Variants in MAP3K7CL observed in about 807,000 individuals in gnomAD.
MAP3K7CL encodes the protein MAP3K7 C-terminal-like protein.
MAP3K7CL carries 16 observed loss-of-function variants against 18.6 expected under a neutral mutation model. That is an observed-to-expected ratio of 0.86 (90% CI 0.58 to 1.31). MAP3K7CL has a LOEUF of 1.31. Ranked by LOEUF, MAP3K7CL falls within the 50% of genes most tolerant of loss-of-function variation. MAP3K7CL has a pLI of 0.00. For synonymous variants in MAP3K7CL, 65 were observed against 66.8 expected (o/e 0.97, Z 0.13); for missense variants, 163 against 174.4 (o/e 0.93, Z 0.37).
intron 4 of MAP3K7CL, among the ~76,000 whole-genome samples, chr21:29,100,143 G>T (rs1165664462): frequency 1.3e-5 from 2 of 151,374 alleles, no homozygotes; most frequent in Non-Finnish European, 2.9e-5. Context: ...TCCTCTGAGC[G>T]GCAGCCCGAA....
At chr21:29,124,633 G>A (rs2086654152) in intron 4 of MAP3K7CL, among the ~76,000 whole-genome samples, 1 of 152,190 alleles carries the variant, frequency 6.6e-6, no homozygotes, top group Admixed American at 6.5e-5. Context: ...ATCAGGTAAA[G>A]TCTGTCCCAC....
chr21:29,124,931 A>T (rs2086657997), intron 4 of MAP3K7CL, among the ~76,000 whole-genome samples: 1 of 152,186 alleles, frequency 6.6e-6, no homozygotes, highest in Non-Finnish European at 1.5e-5. Flanking sequence ...GAAAAACCTA[A>T]AATATTTATC....
chr21:29,098,734 C>A (rs897644061), intron 4 of MAP3K7CL, among the ~76,000 whole-genome samples: 1 of 152,210 alleles, frequency 6.6e-6, no homozygotes, highest in Non-Finnish European at 1.5e-5. Context: ...ATGATTTAAA[C>A]AGCCAAGTCC....
chr21:29,089,320 C>A (rs1323547158), intron 1 of MAP3K7CL, among the ~76,000 whole-genome samples: 2 of 151,882 alleles, frequency 1.3e-5, no homozygotes, highest in Non-Finnish European at 2.9e-5. Flanking sequence ...TCTGAGAGCC[C>A]AAGATGGGCC....
chr21:29,132,790 A>G (rs1601212977), intron 1 of MAP3K7CL, among the ~76,000 whole-genome samples: 1 of 152,318 alleles, frequency 6.6e-6, no homozygotes, highest in African/African-American at 2.4e-5. Flanking sequence ...GGTTACAGGC[A>G]TGAGCCACCA....
At chr21:29,104,190 G>C (rs1470852241) in intron 4 of MAP3K7CL, among the ~76,000 whole-genome samples, 2 of 151,968 alleles carry the variant, frequency 1.3e-5, no homozygotes, top group Non-Finnish European at 2.9e-5. Context: ...CTGCTCAAAG[G>C]GTGGTCCTTG....
At chr21:29,140,311 G>A (rs1479826888) in intron 2 of MAP3K7CL, among the ~76,000 whole-genome samples, 1 of 152,224 alleles carries the variant, frequency 6.6e-6, no homozygotes, top group Admixed American at 6.5e-5. Flanking sequence ...TGGTTGGAAT[G>A]TATTACTTAA....
intron 1 of MAP3K7CL, among the ~76,000 whole-genome samples, chr21:29,090,345 G>A (rs2832167): frequency 0.27 from 41,276 of 151,888 alleles, 5,656 homozygotes; most frequent in South Asian, 0.29. Flanking sequence ...CGTAAAAGGC[G>A]TAGGGAATGC....
upstream of MAP3K7CL, among the ~76,000 whole-genome samples, chr21:29,082,367 T>C (rs1390067326): frequency 1.3e-5 from 2 of 152,206 alleles, no homozygotes. Context: ...CTAAATTTTT[T>C]GTATGCCTAG....
intron 1 of MAP3K7CL, among the ~76,000 whole-genome samples, chr21:29,132,357 A>G (rs926236944): frequency 3.3e-5 from 5 of 152,144 alleles, no homozygotes; most frequent in African/African-American, 9.7e-5. Context: ...TAGAATATCT[A>G]TAGGATGTTT....
At chr21:29,092,193 G>C (rs2086040414) in intron 3 of MAP3K7CL, 1 of 460,516 alleles carries the variant, frequency 2.2e-6, no homozygotes, top group African/African-American at 1.9e-5. Context: ...AAAAATCTGA[G>C]GCAGAGCGAG....
At chr21:29,153,505 T>A (rs1568965189) in intron 3 of MAP3K7CL, among the ~76,000 whole-genome samples, 1 of 152,178 alleles carries the variant, frequency 6.6e-6, no homozygotes, top group Non-Finnish European at 1.5e-5. Context: ...CAGAGTGCAG[T>A]GGCATGATCA....
In MAP3K7CL at chr21:29,170,942, T is replaced by C. The variant is rs1231560871; in HGVS notation, c.249-3770T>C. On this transcript the variant is annotated intron_variant, in intron 4 of 4. Coordinates refer to ENST00000399928, the MANE Select transcript of MAP3K7CL (RefSeq NM_001286620.2). ...GTGTGAGCCTCTGTGCCTGCCTCTT[T>C]TTTTTTTTTTTTTAATTTATATAGG... is the stretch of plus-strand genomic sequence containing the variant. 1.5e-4 allele frequency among the ~76,000 whole-genome samples: 4 copies of C among 26,158 alleles called. No homozygotes were observed. The African/African-American group carries it at 4.8e-3, about 31-fold the overall frequency. 17.2% of individuals were successfully genotyped at this position (26,158 alleles called of 152,430 possible). A position where few individuals can be genotyped will look rare whatever the true frequency, so the allele number is the denominator to read the frequency against.
chr21:29,163,161 C>T (rs2087596182), intron 4 of MAP3K7CL, among the ~76,000 whole-genome samples: 1 of 152,030 alleles, frequency 6.6e-6, no homozygotes, highest in Admixed American at 6.6e-5. Context: ...CTAGAAGTAA[C>T]ATGGCTAGCA....
chr21:29,139,895 CTTTTTTTTTTTT>C (rs5843369), intron 2 of MAP3K7CL, among the ~76,000 whole-genome samples: 3,476 of 67,822 alleles, frequency 0.051, 221 homozygotes, highest in African/African-American at 0.18. Flanking sequence ...CCATCTCTGG[CTTTTTTTTTTTT>C]TTTTTTTTTT....
upstream of MAP3K7CL, chr21:29,130,485 C>A: frequency 1.9e-6 from 1 of 518,746 alleles, no homozygotes; most frequent in Non-Finnish European, 2.5e-6. Flanking sequence ...CCGATTGGGT[C>A]ACGCTGAAGA....
chr21:29,109,645 C>T, intron 4 of MAP3K7CL: 1 of 990,504 alleles, frequency 1.0e-6, no homozygotes. Context: ...TGATGAATGT[C>T]TATAAGTGAT....
At chr21:29,123,548 T>C (rs1311369328) in intron 4 of MAP3K7CL, among the ~76,000 whole-genome samples, 1 of 152,132 alleles carries the variant, frequency 6.6e-6, no homozygotes, top group Admixed American at 6.5e-5. Flanking sequence ...CTTTAACAAA[T>C]AAATTTGCAA....
intron 4 of MAP3K7CL, among the ~76,000 whole-genome samples, chr21:29,094,571 A>G (rs1486137746): frequency 6.6e-6 from 1 of 152,208 alleles, no homozygotes; most frequent in Non-Finnish European, 1.5e-5. Context: ...TGAGCAAAGT[A>G]GTATCTTATT....
Sources: allele counts gnomAD v4.1 joint callset (sites outside exome capture counted in the v4.1 genomes callset), GRCh38; gene constraint gnomAD v4.1.1; transcripts MANE v1.5; gene names NCBI Gene and HGNC (gene_info 2026-07-23, HGNC 2026-07-21).